MSH6: variants seen among roughly 807,000 people sequenced by gnomAD.
MSH6 encodes DNA mismatch repair protein Msh6.
Under a neutral mutation model 119.1 loss-of-function variants are expected in MSH6, and 85 were observed. The observed-to-expected ratio is 0.71, with a 90% CI of 0.60 to 0.85. The LOEUF (loss-of-function observed/expected upper bound fraction) is 0.85. Among genes scored for constraint, MSH6 ranks in the 40% least tolerant of loss-of-function variants. The pLI, the probability that MSH6 is intolerant of heterozygous loss-of-function variation, is 0.00. For synonymous variants in MSH6, 830 were observed against 586.9 expected (o/e 1.41, Z -5.99); for missense variants, 2,163 against 1,655.3 (o/e 1.31, Z -5.32).
In MSH6 at chr2:47,798,593, T is replaced by A. The variant is rs752800026; in HGVS notation, c.628-18T>A. 1 of 1,606,128 alleles carries A rather than the reference T, an allele frequency of 6.2e-7. No individual in the cohort carries two copies. Among genetic ancestry groups the A allele is most frequent in the Admixed American group, 1.7e-5 (1 of 60,006 alleles). Reference sequence around the variant, plus strand: ...CAAATTTTGATTTGTTTTTAAATACTCTTTCCTTGCCTGGCAGGTAGGCAC... The same window carrying A: ...CAAATTTTGATTTGTTTTTAAATACACTTTCCTTGCCTGGCAGGTAGGCAC... On this transcript the variant is annotated intron_variant, in intron 3 of 9. Transcript: ENST00000234420.
At chr2:47,808,374 T>C (rs1242559915), downstream of MSH6, 1 of 1,612,390 alleles carries the variant, frequency 6.2e-7, no homozygotes, top group South Asian at 1.1e-5. Context: ...ATGGCACTTC[T>C]TAATGCAGTT....
At chr2:47,793,395 C>T (rs1668873876) in intron 2 of MSH6, among the ~76,000 whole-genome samples, 1 of 148,574 alleles carries the variant, frequency 6.7e-6, no homozygotes, top group Non-Finnish European at 1.5e-5. Flanking sequence ...TTTGGGAGGC[C>T]CAGGCGGGTG....
At chr2:47,806,416 C>CTAGCACATGTATCGCTAATA in intron 8 of MSH6, 36 bp from the exon 9 acceptor site, 2 of 1,607,224 alleles carry the variant, frequency 1.2e-6, no homozygotes, top group Non-Finnish European at 1.7e-6. Context: ...ACTTCTCTTG[C>CTAGCACATGTATCGCTAATA]TAGCACATGT....
chr2:47,803,787 C>T (rs910296117), intron 5 of MSH6, 102 bp downstream of exon 5: 7 of 1,383,878 alleles, frequency 5.1e-6, no homozygotes, highest in Non-Finnish European at 7.1e-6. Flanking sequence ...AAAAGTCAGC[C>T]AGTGACTTAA....
In MSH6 at chr2:47,799,972, T is replaced by C. The variant is rs1057520324; in HGVS notation, c.1989T>C (p.Thr663=). The C allele has an allele frequency of 1.2e-6, 2 of 1,614,114 alleles. No homozygotes were observed. The highest frequency in any genetic ancestry group is 8.5e-7 in the Non-Finnish European group (1 of 1,180,014). ...VMLPQVLKGM[T]SESDSIGLTP... Reference sequence around the variant, plus strand: ...TACCCCAGGTGCTTAAAGGTATGACTTCAGAGTCTGATTCCATTGGGTTGA... The same window carrying C: ...TACCCCAGGTGCTTAAAGGTATGACCTCAGAGTCTGATTCCATTGGGTTGA... The change falls in exon 4 of 10, where the codon ACT becomes ACC. Residue 663 remains threonine, a synonymous_variant. Coordinates refer to ENST00000234420, the MANE Select transcript of MSH6 (RefSeq NM_000179.3).
chr2:47,798,792 A>T lies in MSH6; in HGVS notation c.809A>T (p.Lys270Met), dbSNP rs200898010. The change falls in exon 4 of 10, where the codon AAG (lysine) becomes ATG (methionine). Residue 270 changes from lysine to methionine, a missense_variant. Transcript: ENST00000234420. ...GATGTGGAATTTAAGCCAGACACTA[A>T]GGAGGAAGGAAGCAGTGATGAAATA... ...GSDVEFKPDT[K>M]EEGSSDEISS... The T allele has an allele frequency of 6.2e-7, 1 of 1,614,186 alleles. No individual in the cohort carries two copies. Among genetic ancestry groups the T allele is most frequent in the Non-Finnish European group, 8.5e-7 (1 of 1,180,020 alleles).
downstream of MSH6, chr2:47,807,002 C>T (rs1670252685): frequency 5.8e-6 from 4 of 693,594 alleles, no homozygotes; most frequent in Non-Finnish European, 1.0e-5. Flanking sequence ...TAATTCTTAT[C>T]TACCTTCTAC....
At chr2:47,807,227 C>A (rs1670275623), downstream of MSH6, 1 of 243,924 alleles carries the variant, frequency 4.1e-6, no homozygotes, top group South Asian at 1.2e-4. Context: ...CAAAAAAAAA[C>A]TATGAACAGA....
At chr2:47,789,393 C>T (rs1386996185) in intron 1 of MSH6, 2 of 450,216 alleles carry the variant, frequency 4.4e-6, no homozygotes, top group African/African-American at 2.0e-5. Flanking sequence ...TGGTTGGATC[C>T]AGCTTTTCAC....
In MSH6 at chr2:47,806,873, G is replaced by A. The variant is rs1670233297; in HGVS notation, c.*13G>A. On this transcript the variant is annotated 3_prime_UTR_variant, in exon 10 of 10. Coordinates refer to ENST00000234420, the MANE Select transcript of MSH6 (RefSeq NM_000179.3). ...TAAGGAATTATAGACTGACTACATT[G>A]GAAGCTTTGAGTTGACTTCTGACAA... The A allele has an allele frequency of 1.9e-6, 3 of 1,593,774 alleles. No individual in the cohort carries two copies. Among genetic ancestry groups the A allele is most frequent in the African/African-American group, 1.3e-5 (1 of 74,230 alleles).
chr2:47,810,007 T>C (rs1044363210), downstream of MSH6: 6 of 490,606 alleles, frequency 1.2e-5, no homozygotes, highest in Non-Finnish European at 1.8e-5. Context: ...AGATTTAAAC[T>C]GGTAAATTCA....
rs771340721 is a variant in MSH6 at position 47,805,652 on chromosome 2, T to C, written c.3591T>C (p.Thr1197=). 1.2e-6 allele frequency: 2 copies of C among 1,613,742 alleles called. No homozygotes were observed. The highest frequency in any genetic ancestry group is 2.2e-5 in the East Asian group (1 of 44,876). The change falls in exon 7 of 10, where the codon ACT becomes ACC. Residue 1197 remains threonine (T), a synonymous_variant. Coordinates refer to ENST00000234420, the MANE Select transcript of MSH6 (RefSeq NM_000179.3). The part of the protein sequence containing the change: ...ESTFFVELSE[T]ASILMHATAH... The stretch of plus-strand genomic sequence containing the variant: ...CATTTTTTGTTGAATTAAGTGAAAC[T>C]GCCAGCATACTCATGCATGCAACAG...
In MSH6 at chr2:47,800,650, G is replaced by T. The variant is rs149945495; in HGVS notation, c.2667G>T (p.Gln889His). ...GTTTTAAGTCTAAAATCCTTAAGCA[G>T]GTCATCTCTCTGCAGACAAAAAATC... is the stretch of plus-strand genomic sequence containing the variant. ...ADGFKSKILK[Q>H]VISLQTKNPE... is the part of the protein sequence containing the mutation. Residue 889 changes from glutamine to histidine, a missense_variant, in exon 4 of 10, where the codon CAG (glutamine) becomes CAT (histidine). Coordinates refer to ENST00000234420, the MANE Select transcript of MSH6 (RefSeq NM_000179.3). 7.8e-5 allele frequency: 126 copies of T among 1,614,196 alleles called. No homozygotes were observed. In the African/African-American group the frequency reaches 1.5e-3, roughly 20 times the overall value.
intron 3 of MSH6, among the ~76,000 whole-genome samples, chr2:47,796,393 A>C (rs1669098248): frequency 6.6e-6 from 1 of 152,044 alleles, no homozygotes; most frequent in Admixed American, 6.6e-5. Flanking sequence ...CTAGAAATTA[A>C]TTATCCAGTT....
intron 4 of MSH6, among the ~76,000 whole-genome samples, chr2:47,802,459 T>C (rs537244372): frequency 2.1e-4 from 32 of 152,088 alleles, no homozygotes; most frequent in South Asian, 8.3e-4. Context: ...GCCTCCTGAG[T>C]AGCTGGGACT....
chr2:47,783,838 G>A (rs1668170969), intron 1 of MSH6: 2 of 855,868 alleles, frequency 2.3e-6, no homozygotes, highest in Non-Finnish European at 2.9e-6. Flanking sequence ...GAGGGGGCCT[G>A]GGAGGTGGGA....
chr2:47,809,889 A>G (rs77694505), downstream of MSH6: 1,301 of 544,850 alleles, frequency 2.4e-3, 1 homozygote, highest in Non-Finnish European at 3.9e-3. Context: ...ATCAATGACT[A>G]TGGTCAAAAC....
At chr2:47,796,806 C>G (rs929292898) in intron 3 of MSH6, among the ~76,000 whole-genome samples, 4 of 152,008 alleles carry the variant, frequency 2.6e-5, no homozygotes, top group Non-Finnish European at 5.9e-5. Context: ...ATAAAAAATA[C>G]AAAAATTAGC....
At chr2:47,795,398 A>G (rs1486706000) in intron 2 of MSH6, among the ~76,000 whole-genome samples, 1 of 134,414 alleles carries the variant, frequency 7.4e-6, no homozygotes, top group African/African-American at 2.7e-5. Flanking sequence ...GGTTGAGTCA[A>G]GTGTCCAGCC....
Sources: allele counts gnomAD v4.1 joint callset (sites outside exome capture counted in the v4.1 genomes callset), GRCh38; gene constraint gnomAD v4.1.1; transcripts MANE v1.5; gene names NCBI Gene and HGNC (gene_info 2026-07-23, HGNC 2026-07-21).